The following RAPH1 variants were observed in gnomAD, a reference collection of about 807,000 sequenced individuals.
RAPH1 encodes ras-associated and pleckstrin homology domains-containing protein 1.
A neutral mutation model predicts 88.1 loss-of-function variants in RAPH1; 18 were observed. The ratio of observed to expected loss-of-function variants is 0.20; its 90% CI spans 0.14 to 0.30. The LOEUF (loss-of-function observed/expected upper bound fraction) is 0.30, where lower values mean the gene tolerates loss of function less well. RAPH1 is among the 10% of genes least tolerant of loss of function. The pLI is 1.00. For synonymous variants in RAPH1, 587 were observed against 559.0 expected, an observed-to-expected ratio of 1.05 and a Z score of -0.71; for missense variants, 1,448 against 1,543.2, an observed-to-expected ratio of 0.94 and a Z score of 1.03.
In RAPH1 at chr2:203,462,570, C is replaced by A. The variant is rs1161420719; in HGVS notation, c.733-645G>T. Among the ~76,000 whole-genome samples the A allele has an allele frequency of 7.9e-5, 12 of 152,104 alleles. No individual in the cohort carries two copies. In the East Asian group the frequency reaches 2.1e-3, roughly 27 times the overall value. On this transcript the variant is annotated intron_variant, in intron 4 of 13. Transcript: ENST00000319170. ...AATCAATGTCTTATGTCAGTAAATT[C>A]AAAATTTGTTTTTATTAGTTTACTG...
At chr2:203,473,272 C>T (rs751967586) in intron 4 of RAPH1, among the ~76,000 whole-genome samples, 49 of 152,020 alleles carry the variant, frequency 3.2e-4, no homozygotes, top group Non-Finnish European at 5.6e-4. Flanking sequence ...GGCAACAGAG[C>T]GAGACCCTGT....
At chr2:203,505,550 A>T (rs1404672648) in intron 1 of RAPH1, among the ~76,000 whole-genome samples, 5 of 152,180 alleles carry the variant, frequency 3.3e-5, no homozygotes, top group Non-Finnish European at 7.4e-5. Flanking sequence ...GAAAAATACA[A>T]TTTAGTTCAA....
At chr2:203,499,374 A>G (rs1688643207) in intron 1 of RAPH1, among the ~76,000 whole-genome samples, 2 of 152,134 alleles carry the variant, frequency 1.3e-5, no homozygotes, top group African/African-American at 2.4e-5. Flanking sequence ...TACTTTTGCC[A>G]ATTTTGTCCT....
intron 4 of RAPH1, chr2:203,477,293 A>G: frequency 1.5e-6 from 1 of 663,474 alleles, no homozygotes; most frequent in Non-Finnish European, 2.7e-6. Context: ...GAAAAGTTGC[A>G]TGCAATTACC....
intron 10 of RAPH1, among the ~76,000 whole-genome samples, chr2:203,449,330 G>A (rs1559451887): frequency 6.6e-6 from 1 of 152,172 alleles, no homozygotes; most frequent in East Asian, 1.9e-4. Context: ...CAGCACCTGG[G>A]ACAAGAATCT....
Position 203,457,561 on chromosome 2 carries a change from A to G in RAPH1, c.1127T>C (p.Met376Thr). ...YLLGKKETAE[M>T]ADRNKEVLLE... is the part of the protein sequence containing the mutation. ...GAGGACTTCTTTGTTTCTATCTGCC[A>G]TCTCAGCTGTTTCTTTTTTCCCCAA... Residue 376 changes from methionine to threonine, a missense_variant, in exon 8 of 14, where the codon ATG becomes ACG. Around this residue, in one of 2 missense-constraint regions of RAPH1, gnomAD observed 513 missense variants for 653.1 expected, o/e 0.79. Transcript: ENST00000319170. 1 of 1,612,830 alleles carries G rather than the reference A, an allele frequency of 6.2e-7. No homozygotes were observed. Among genetic ancestry groups the G allele is most frequent in the Non-Finnish European group, 8.5e-7 (1 of 1,178,842 alleles).
At position 203,448,624 on chromosome 2, in the gene RAPH1, T is replaced by C. The variant is rs1043448584; in HGVS notation, c.1512+114A>G. 1 of 596,000 alleles carries C rather than the reference T, an allele frequency of 1.7e-6. No individual in the cohort carries two copies. Among genetic ancestry groups the C allele is most frequent in the Non-Finnish European group, 2.8e-6 (1 of 356,674 alleles). The allele number at this position is 596,000 out of a possible 1,614,324, so 36.9% of individuals were successfully genotyped here. On this transcript the variant is annotated intron_variant, in intron 11 of 13. Transcript: ENST00000319170. This position sits in a 1 kb window ranked among gnomAD's most constrained non-coding sequence, Gnocchi z 4.1. ...ACTTGAAACTTAGGCCTGAAAAACG[T>C]AGGCACTGGCAAATCCATGAACATG...
intron 4 of RAPH1, among the ~76,000 whole-genome samples, chr2:203,472,236 G>A (rs981592812): frequency 2.4e-4 from 37 of 151,666 alleles, no homozygotes; most frequent in Non-Finnish European, 4.7e-4. Context: ...AGCTTCAGGC[G>A]CTTCTCCTGC....
At chr2:203,529,811 T>C (rs1305700262) in intron 1 of RAPH1, among the ~76,000 whole-genome samples, 4 of 152,252 alleles carry the variant, frequency 2.6e-5, no homozygotes, top group Non-Finnish European at 5.9e-5. Context: ...GGTAAATCCT[T>C]GGCTTCCTGA....
At chr2:203,510,198 T>A (rs1689273402) in intron 1 of RAPH1, among the ~76,000 whole-genome samples, 1 of 152,012 alleles carries the variant, frequency 6.6e-6, no homozygotes, top group Admixed American at 6.6e-5. Context: ...CATTTAATAC[T>A]GTCGGCGCCT....
intron 1 of RAPH1, among the ~76,000 whole-genome samples, chr2:203,501,598 T>C (rs576744673): frequency 4.3e-4 from 66 of 152,094 alleles, no homozygotes; most frequent in South Asian, 3.3e-3. Flanking sequence ...CGAGACCTCA[T>C]CTCTTAAAAA....
intron 1 of RAPH1, among the ~76,000 whole-genome samples, chr2:203,507,399 T>C (rs966657795): frequency 6.6e-6 from 1 of 152,122 alleles, no homozygotes; most frequent in African/African-American, 2.4e-5. Flanking sequence ...GCAAGAATCA[T>C]CAATAGAGGC....
At chr2:203,477,030 C>A (rs375236496) in intron 4 of RAPH1, 1 of 1,287,848 alleles carries the variant, frequency 7.8e-7, no homozygotes. Context: ...CTAATGAATG[C>A]ATTCCTCTTC....
chr2:203,499,430 A>C (rs1437319036), intron 1 of RAPH1, among the ~76,000 whole-genome samples: 2 of 152,134 alleles, frequency 1.3e-5, no homozygotes, highest in East Asian at 1.9e-4. Context: ...GCAACAAAAA[A>C]AAAAAAACTG....
intron 1 of RAPH1, among the ~76,000 whole-genome samples, chr2:203,528,994 TATATA>T (rs1690251375): frequency 1.2e-5 from 1 of 84,598 alleles, no homozygotes; most frequent in African/African-American, 5.9e-5. Flanking sequence ...TATATATATA[TATATA>T]TATATATTTT....
intron 1 of RAPH1, among the ~76,000 whole-genome samples, chr2:203,497,755 A>G (rs1001312623): frequency 6.6e-6 from 1 of 152,188 alleles, no homozygotes; most frequent in Non-Finnish European, 1.5e-5. Flanking sequence ...CAATTTCCCA[A>G]TTCATAAATG....
At position 203,455,418 on chromosome 2, in the gene RAPH1, T is replaced by A. The variant is rs747163011; in HGVS notation, c.1302+19A>T. The stretch of plus-strand genomic sequence containing the variant: ...ATTAGCATAATGAGGAAGTTCAAAT[T>A]CCAACAGAAGGGACACACCTTTGCT... On this transcript the variant is annotated intron_variant, in intron 9 of 13. Transcript: ENST00000319170. The A allele has an allele frequency of 6.2e-6, 10 of 1,603,896 alleles. No individual in the cohort carries two copies. Among genetic ancestry groups the A allele is most frequent in the Non-Finnish European group, 8.5e-6 (10 of 1,176,046 alleles).
At chr2:203,499,551 G>A (rs970943564) in intron 1 of RAPH1, among the ~76,000 whole-genome samples, 4 of 151,894 alleles carry the variant, frequency 2.6e-5, no homozygotes, top group East Asian at 1.9e-4. Context: ...GTGAAACCCC[G>A]TCTCTACAAA....
intron 1 of RAPH1, among the ~76,000 whole-genome samples, chr2:203,498,889 T>C (rs1311680714): frequency 2.0e-5 from 3 of 152,198 alleles, no homozygotes; most frequent in African/African-American, 7.2e-5. Context: ...GGTGGTCCCA[T>C]AAGTATTTTT....
Sources: gnomAD v4.1 joint callset for allele counts (sites outside exome capture counted in the v4.1 genomes callset) on GRCh38, gnomAD v4.1.1 for gene constraint, gnomAD v4.1.1 regional missense constraint, Gnocchi (gnomAD v3.1) non-coding constraint, MANE v1.5 for transcripts, NCBI Gene and HGNC (gene_info 2026-07-23, HGNC 2026-07-21) for gene names.